Variants in PPIP5K1 observed in about 807,000 individuals in gnomAD.
The protein encoded by PPIP5K1 is inositol hexakisphosphate and diphosphoinositol-pentakisphosphate kinase 1.
A neutral mutation model predicts 27.7 loss-of-function variants in PPIP5K1; 6 were observed. That is an observed-to-expected ratio of 0.22 (90% CI 0.12 to 0.43). The LOEUF (loss-of-function observed/expected upper bound fraction) is 0.43, where lower values mean the gene tolerates loss of function less well. Among genes scored for constraint, PPIP5K1 ranks in the 20% least tolerant of loss-of-function variants. The pLI is 1.00. For missense variants in PPIP5K1, 394 were observed against 635.4 expected (o/e 0.62, Z 4.08); for synonymous variants, 145 against 242.6 (o/e 0.60, Z 3.74).
intron 29 of PPIP5K1, among the ~76,000 whole-genome samples, chr15:43,559,201 T>C (rs60367691): frequency 0.17 from 26,155 of 152,082 alleles, 2,421 homozygotes; most frequent in Middle Eastern, 0.27. Context: ...TTGCAATGTC[T>C]CATGGAAAAA....
At chr15:43,558,522 G>A (rs536589973) in intron 30 of PPIP5K1, among the ~76,000 whole-genome samples, 27 of 151,940 alleles carry the variant, frequency 1.8e-4, no homozygotes, top group African/African-American at 5.8e-4. Flanking sequence ...CACTGCGCCC[G>A]GCCTTATTTT....
rs1253121792 is a variant in PPIP5K1, at chr15:43,535,259, G to C, written c.3888C>G (p.Ser1296=). Residue 1296 remains serine, a synonymous_variant, in exon 32 of 32, where the codon TCC becomes TCG. Transcript: ENST00000420765. ...TGGTTTCCATAGGTGGCACCTGTGGGGACTGATTTGGTTCAAAAAGCTCTT... is the reference window on the plus strand; with the variant it reads ...TGGTTTCCATAGGTGGCACCTGTGGCGACTGATTTGGTTCAAAAAGCTCTT... ...GEQELFEPNQ[S]PQVPPMETSQ... is the part of the protein sequence containing the mutation. 1.4e-5 allele frequency: 23 copies of C among 1,614,038 alleles called. No individual in the cohort carries two copies. Among genetic ancestry groups the C allele is most frequent in the African/African-American group, 4.0e-5 (3 of 74,892 alleles).
chr15:43,586,848 C>T (rs1418840205), intron 1 of PPIP5K1, among the ~76,000 whole-genome samples: 1 of 71,974 alleles, frequency 1.4e-5, no homozygotes, highest in Non-Finnish European at 3.1e-5. Flanking sequence ...TAGTCTCCAG[C>T]CCACTCTCAA....
chr15:43,541,444 C>T (rs1049441005), intron 30 of PPIP5K1, among the ~76,000 whole-genome samples: 3 of 151,900 alleles, frequency 2.0e-5, no homozygotes, highest in Admixed American at 6.6e-5. Flanking sequence ...AGGTCAGGCA[C>T]GGTGGCTCAT....
chr15:43,552,174 T>TG (rs1301198562), intron 30 of PPIP5K1, among the ~76,000 whole-genome samples: 5 of 152,024 alleles, frequency 3.3e-5, no homozygotes, highest in Non-Finnish European at 5.9e-5. Context: ...AGACAGGTCT[T>TG]GAACTCTTGG....
chr15:43,535,846 A>T (rs968449244), intron 31 of PPIP5K1, among the ~76,000 whole-genome samples: 1 of 152,226 alleles, frequency 6.6e-6, no homozygotes, highest in Non-Finnish European at 1.5e-5. Flanking sequence ...CAAAATCATG[A>T]AAAAATTTTT....
intron 10 of PPIP5K1, among the ~76,000 whole-genome samples, chr15:43,580,581 T>TTTAA (rs1200993817): frequency 3.1e-5 from 4 of 127,824 alleles, no homozygotes; most frequent in African/African-American, 1.2e-4. Context: ...TATTTTTTAA[T>TTTAA]TTAATTAATT....
intron 30 of PPIP5K1, 86 bp from the exon 31 acceptor site, chr15:43,539,669 C>A: frequency 1.2e-6 from 1 of 806,632 alleles, no homozygotes; most frequent in Non-Finnish European, 2.0e-6. Context: ...CAACATAAGT[C>A]AAAGCCAACT....
chr15:43,558,268 G>A (rs2083280725), intron 30 of PPIP5K1, among the ~76,000 whole-genome samples: 1 of 147,980 alleles, frequency 6.8e-6, no homozygotes, highest in African/African-American at 2.5e-5. Flanking sequence ...TCACTCTGTT[G>A]CCAGGCCGGA....
In PPIP5K1 at chr15:43,535,220, C is replaced by T. The variant is rs2079676573; in HGVS notation, c.3927G>A (p.Glu1309=). 3.1e-6 allele frequency: 5 copies of T among 1,614,162 alleles called. No individual in the cohort carries two copies. In the Admixed American group the frequency reaches 5.0e-5, roughly 16 times the overall value. ...CCTCCTGACATGGCTGGCTGACCTC[C>T]TCGTATGGCTGGCTGGTTTCCATAG... ...VPPMETSQPY[E]EVSQPCQEVP... is the part of the protein sequence containing the mutation. Residue 1309 remains glutamate (E), a synonymous_variant, in exon 32 of 32, where the codon GAG becomes GAA. Transcript: ENST00000420765.
At chr15:43,552,431 C>T (rs1191072352) in intron 30 of PPIP5K1, among the ~76,000 whole-genome samples, 3 of 149,436 alleles carry the variant, frequency 2.0e-5, no homozygotes, top group Non-Finnish European at 3.0e-5. Context: ...GTTGGCTGGG[C>T]GCAGTGGCTC....
chr15:43,543,319 G>A (rs1230851979), intron 30 of PPIP5K1, among the ~76,000 whole-genome samples: 2 of 151,246 alleles, frequency 1.3e-5, no homozygotes, highest in Non-Finnish European at 2.9e-5. Flanking sequence ...AATGCTAAAT[G>A]ACAAGTTAAT....
intron 31 of PPIP5K1, among the ~76,000 whole-genome samples, chr15:43,537,708 G>T (rs689841): frequency 9.1e-6 from 1 of 110,368 alleles, no homozygotes; most frequent in Non-Finnish European, 1.8e-5. Context: ...AAAAAAAAAA[G>T]AGAGAGAGAG....
rs909214615 is a variant in PPIP5K1, at chr15:43,534,473, G to A, written c.*201C>T. The A allele has an allele frequency of 6.2e-6, 3 of 480,870 alleles. No homozygotes were observed. The highest frequency in any genetic ancestry group is 3.9e-5 in the African/African-American group (2 of 50,912). The allele number at this position is 480,870 out of a possible 1,614,324, so 29.8% of individuals were successfully genotyped here. ...GAGCTGGCCAGTGAGTTAGCCAACA[G>A]AAAAGGTTGCTGGCTCAAATGGCTG... On this transcript the variant is annotated 3_prime_UTR_variant, in exon 32 of 32. Coordinates refer to ENST00000420765, the MANE Select transcript of PPIP5K1 (RefSeq NM_001394395.1).
chr15:43,550,286 C>A (rs1567043035), intron 30 of PPIP5K1, among the ~76,000 whole-genome samples: 1 of 152,044 alleles, frequency 6.6e-6, no homozygotes, highest in Admixed American at 6.6e-5. Flanking sequence ...CAGGTGCGCA[C>A]CAACATGCCT....
intron 30 of PPIP5K1, among the ~76,000 whole-genome samples, chr15:43,549,944 C>G (rs571788399): frequency 1.3e-5 from 2 of 152,274 alleles, no homozygotes; most frequent in Non-Finnish European, 2.9e-5. Flanking sequence ...ACACTCAAGC[C>G]TGGGTGACAG....
Position 43,539,630 on chromosome 15 carries a change from T to G in PPIP5K1, c.3557-47A>C, listed in dbSNP as rs772466215. On this transcript the variant is annotated intron_variant, in intron 30 of 31. Coordinates refer to ENST00000420765, the MANE Select transcript of PPIP5K1 (RefSeq NM_001394395.1). ...GGGAGAGGGAAGAAAAAAAGACATA[T>G]GAGGAAGAATCCAGGAGCCACACGT... 4 of 1,235,432 alleles carry G rather than the reference T, an allele frequency of 3.2e-6. No individual in the cohort carries two copies. The African/African-American group carries it at 4.5e-5, about 14-fold the overall frequency. 76.5% of individuals were successfully genotyped at this position (1,235,432 alleles called of 1,614,324 possible).
At position 43,535,421 on chromosome 15, in the gene PPIP5K1, T is replaced by C. The variant is rs781283924; in HGVS notation, c.3726A>G (p.Thr1242=). 5.0e-6 allele frequency: 8 copies of C among 1,612,524 alleles called. No individual in the cohort carries two copies. Among genetic ancestry groups the C allele is most frequent in the Non-Finnish European group, 6.8e-6 (8 of 1,179,228 alleles). Residue 1242 remains threonine, a synonymous_variant, in exon 32 of 32, where the codon ACA becomes ACG. Coordinates refer to ENST00000420765, the MANE Select transcript of PPIP5K1 (RefSeq NM_001394395.1). The part of the protein sequence containing the change: ...VSSAGPSSPT[T]VDGNSQFGFS... ...AGCCAAATTGGGAGTTACCATCTACTGTAGTAGGGGAAGAAGGACCAGCAC... is the reference window on the plus strand; with the variant it reads ...AGCCAAATTGGGAGTTACCATCTACCGTAGTAGGGGAAGAAGGACCAGCAC...
intron 30 of PPIP5K1, among the ~76,000 whole-genome samples, chr15:43,555,888 G>A (rs768192485): frequency 6.6e-6 from 1 of 152,100 alleles, no homozygotes; most frequent in Non-Finnish European, 1.5e-5. Context: ...TTACAGGCGT[G>A]AGCCACCATG....
Sources: gnomAD v4.1 joint callset for allele counts (sites outside exome capture counted in the v4.1 genomes callset) on GRCh38, gnomAD v4.1.1 for gene constraint, MANE v1.5 for transcripts, NCBI Gene and HGNC (gene_info 2026-07-23, HGNC 2026-07-21) for gene names.